The following SNX4 variants were observed in gnomAD, a reference collection of about 807,000 sequenced individuals.
The protein encoded by SNX4 is sorting nexin 4.
Under a neutral mutation model 70.8 loss-of-function variants are expected in SNX4, and 49 were observed. The observed-to-expected ratio is 0.69, with a 90% CI of 0.55 to 0.88. SNX4 has a LOEUF of 0.88. Ranked by LOEUF, SNX4 falls within the 40% of genes least tolerant of loss-of-function variation. The pLI is 0.00. For synonymous variants in SNX4, 206 were observed against 183.8 expected (o/e 1.12, Z -0.98); for missense variants, 528 against 544.8 (o/e 0.97, Z 0.31).
At position 125,489,421 on chromosome 3, in the gene SNX4, T is replaced by C; in HGVS notation, c.640A>G (p.Lys214Glu). Reference sequence around the variant, plus strand: ...ACAAAACCTTACTTGTCTGGGTTTTTCACTCTGAATGTTGCATTAAGCGCT... The same window carrying C: ...ACAAAACCTTACTTGTCTGGGTTTTCCACTCTGAATGTTGCATTAAGCGCT... ...LKALNATFRV[K>E]NPDKRFTDLK... The change falls in exon 6 of 14, where the codon AAA becomes GAA. Residue 214 changes from lysine (K) to glutamate (E), a missense_variant. This residue lies in a region of SNX4 where 341 missense variants were observed against 312.2 expected (regional missense o/e 1.09). Coordinates refer to ENST00000251775, the MANE Select transcript of SNX4 (RefSeq NM_003794.4). 1 of 1,613,306 alleles carries C rather than the reference T, an allele frequency of 6.2e-7. No individual in the cohort carries two copies. Among genetic ancestry groups the C allele is most frequent in the Non-Finnish European group, 8.5e-7 (1 of 1,179,492 alleles).
At chr3:125,453,457 TTCTA>T in intron 12 of SNX4, among the ~76,000 whole-genome samples, 1 of 152,236 alleles carries the variant, frequency 6.6e-6, no homozygotes. Flanking sequence ...AAACAACTGT[TTCTA>T]TAACATTATT....
chr3:125,502,177 A>G (rs77808551), intron 2 of SNX4, among the ~76,000 whole-genome samples: 7,327 of 152,254 alleles, frequency 0.048, 417 homozygotes, highest in African/African-American at 0.13. Flanking sequence ...TTAACTTAAA[A>G]AACAAAAAAA....
chr3:125,469,625 A>G (rs1261292341), intron 8 of SNX4, 106 bp from the exon 9 acceptor site: 1 of 753,092 alleles, frequency 1.3e-6, no homozygotes. Flanking sequence ...AAAATAATGT[A>G]TAGCACCCGT....
intron 13 of SNX4, among the ~76,000 whole-genome samples, chr3:125,451,091 C>A (rs917985014): frequency 1.3e-5 from 2 of 150,674 alleles, no homozygotes; most frequent in Non-Finnish European, 2.9e-5. Flanking sequence ...CATAGCGAGA[C>A]CCCCCCATAT....
chr3:125,478,281 G>C (rs1453646679), intron 7 of SNX4, among the ~76,000 whole-genome samples: 1 of 151,832 alleles, frequency 6.6e-6, no homozygotes, highest in Non-Finnish European at 1.5e-5. Context: ...TGCTGGTCAG[G>C]CTGGTCTCAA....
chr3:125,497,377 C>G lies in SNX4; in HGVS notation c.561G>C (p.Trp187Cys). ...ACCCAGTTTCATTCACAGTCTCCTTCCAGTTACCTTCCTAAAAATTGAAGT... is the reference window on the plus strand; with the variant it reads ...ACCCAGTTTCATTCACAGTCTCCTTGCAGTTACCTTCCTAAAAATTGAAGT... ...FYLFLTQEGNWKETVNETGFQ... is the reference protein window; with the variant it reads ...FYLFLTQEGNCKETVNETGFQ... The change falls in exon 5 of 14, where the codon TGG (tryptophan) becomes TGC (cysteine). Residue 187 changes from tryptophan (W) to cysteine (C), a missense_variant. This residue lies in a region of SNX4 where 341 missense variants were observed against 312.2 expected (regional missense o/e 1.09). Coordinates refer to ENST00000251775, the MANE Select transcript of SNX4 (RefSeq NM_003794.4). 6.2e-7 allele frequency: 1 copy of G among 1,601,074 alleles called. No homozygotes were observed. Among genetic ancestry groups the G allele is most frequent in the Non-Finnish European group, 8.6e-7 (1 of 1,169,494 alleles).
intron 9 of SNX4, among the ~76,000 whole-genome samples, chr3:125,463,368 G>A (rs1370825680): frequency 1.3e-5 from 2 of 152,138 alleles, no homozygotes; most frequent in Non-Finnish European, 1.5e-5. Context: ...GAGGACTTGT[G>A]GCCTGAAGAT....
intron 1 of SNX4, among the ~76,000 whole-genome samples, chr3:125,510,109 A>C (rs913125568): frequency 6.6e-6 from 1 of 152,206 alleles, no homozygotes; most frequent in Non-Finnish European, 1.5e-5. Context: ...TTTCTGCCTA[A>C]TATATCCAAA....
chr3:125,449,039 A>C (rs1440419777), intron 13 of SNX4: 2 of 152,172 alleles, frequency 1.3e-5, no homozygotes, highest in African/African-American at 4.8e-5. Context: ...TTACTCATTT[A>C]TGAGAAAGGA....
chr3:125,503,204 G>T (rs375368396), intron 2 of SNX4, among the ~76,000 whole-genome samples: 1 of 152,126 alleles, frequency 6.6e-6, no homozygotes, highest in Admixed American at 6.5e-5. Context: ...ACCACGCCCA[G>T]CTAGGTTTGG....
intron 1 of SNX4, among the ~76,000 whole-genome samples, chr3:125,519,025 T>G (rs1380293485): frequency 6.6e-6 from 1 of 151,722 alleles, no homozygotes; most frequent in Non-Finnish European, 1.5e-5. Context: ...AATAAATAAA[T>G]AAATTAATTA....
intron 1 of SNX4, among the ~76,000 whole-genome samples, chr3:125,508,698 A>G (rs181525168): frequency 9.2e-5 from 14 of 152,354 alleles, no homozygotes; most frequent in Admixed American, 2.6e-4. Context: ...GACCTATGAA[A>G]TCAGATAGTC....
intron 1 of SNX4, among the ~76,000 whole-genome samples, chr3:125,519,361 C>T (rs1406750393): frequency 2.0e-5 from 3 of 152,148 alleles, no homozygotes; most frequent in Non-Finnish European, 4.4e-5. Flanking sequence ...TCAAAAAGTA[C>T]ATGGGTTATC....
At chr3:125,447,897 TG>T in intron 13 of SNX4, 71 bp from the exon 14 acceptor site, 4 of 948,454 alleles carry the variant, frequency 4.2e-6, no homozygotes, top group Non-Finnish European at 6.4e-6. Context: ...CTTGGCTTAG[TG>T]GTACACTAAG....
intron 2 of SNX4, 49 bp downstream of exon 2, chr3:125,504,574 C>T (rs763371226): frequency 6.4e-7 from 1 of 1,563,432 alleles, no homozygotes; most frequent in South Asian, 1.2e-5. Context: ...CAATAGCTAT[C>T]AGAAAAAGCT....
Position 125,519,748 on chromosome 3 carries a change from G to A in SNX4, c.141+284C>T, listed in dbSNP as rs190137493. ...CGGGGCCCAGACCCCCACGCCTGCGGGGGCGCCCCCCCGGGTCCCTTTCCC... is the reference window on the plus strand; with the variant it reads ...CGGGGCCCAGACCCCCACGCCTGCGAGGGCGCCCCCCCGGGTCCCTTTCCC... On this transcript the variant is annotated intron_variant, in intron 1 of 13. Transcript: ENST00000251775. Among the ~76,000 whole-genome samples, 477 of 151,974 alleles carry A rather than the reference G, an allele frequency of 3.1e-3. 12 individuals are homozygous for A. The highest frequency in any genetic ancestry group is 0.027 in the Admixed American group (413 of 15,290).
chr3:125,481,318 C>T (rs1384044360), intron 6 of SNX4, among the ~76,000 whole-genome samples: 1 of 151,940 alleles, frequency 6.6e-6, no homozygotes, highest in Non-Finnish European at 1.5e-5. Flanking sequence ...AATCTGTTTC[C>T]TTGTCAGTAT....
chr3:125,480,368 G>A, intron 6 of SNX4, 49 bp from the exon 7 acceptor site: 2 of 1,232,312 alleles, frequency 1.6e-6, no homozygotes, highest in Non-Finnish European at 2.2e-6. Context: ...AAAACAAGCA[G>A]TCAAAAACTG....
chr3:125,517,432 G>GAGGC (rs1218164028), intron 1 of SNX4, among the ~76,000 whole-genome samples: 1 of 152,140 alleles, frequency 6.6e-6, no homozygotes, highest in Non-Finnish European at 1.5e-5. Context: ...CAGCTACAAT[G>GAGGC]AGGCCATAAA....
Sources: gnomAD v4.1 joint callset for allele counts (sites outside exome capture counted in the v4.1 genomes callset) on GRCh38, gnomAD v4.1.1 for gene constraint, gnomAD v4.1.1 regional missense constraint, MANE v1.5 for transcripts, NCBI Gene and HGNC (gene_info 2026-07-23, HGNC 2026-07-21) for gene names.